The following TSFM variants were observed in gnomAD, a reference collection of about 807,000 sequenced individuals.
TSFM encodes elongation factor Ts, mitochondrial.
Under a neutral mutation model 33.4 loss-of-function variants are expected in TSFM, and 29 were observed. The observed-to-expected ratio is 0.87, with a 90% CI of 0.65 to 1.18. TSFM has a LOEUF of 1.18. TSFM is among the 50% of genes most tolerant of loss of function. The pLI is 0.00. For synonymous variants in TSFM, 178 were observed against 163.5 expected, an observed-to-expected ratio of 1.09 and a Z score of -0.68; for missense variants, 394 against 395.6, an observed-to-expected ratio of 1.00 and a Z score of 0.04.
intron 2 of TSFM, 126 bp downstream of exon 2, chr12:57,783,409 A>C: frequency 3.3e-6 from 4 of 1,221,038 alleles, no homozygotes; most frequent in Non-Finnish European, 3.6e-6. Context: ...CCTAAGTGGA[A>C]ATCTGGCTTA....
downstream of TSFM, chr12:57,800,693 C>T (rs540908483): frequency 1.2e-4 from 19 of 154,648 alleles, no homozygotes; most frequent in Non-Finnish European, 2.4e-4. Context: ...CAGCAACTTC[C>T]GCTTCCTGGG....
intron 2 of TSFM, chr12:57,783,821 G>T (rs1955549912): frequency 1.6e-6 from 1 of 623,608 alleles, no homozygotes; most frequent in African/African-American, 1.8e-5. Context: ...TCGCCGTGTC[G>T]GCCAGGCTGG....
At chr12:57,791,890 T>G (rs1955666776) in intron 4 of TSFM, 2 of 324,608 alleles carry the variant, frequency 6.2e-6, no homozygotes, top group Non-Finnish European at 1.3e-5. Context: ...TTTGTACCAT[T>G]TTGCATTCCC....
At chr12:57,789,456 T>C (rs12321371) in intron 4 of TSFM, among the ~76,000 whole-genome samples, 4,294 of 152,282 alleles carry the variant, frequency 0.028, 214 homozygotes, top group African/African-American at 0.099. Flanking sequence ...CTTCACCTCC[T>C]GGGTTCGAGC....
At chr12:57,798,917 G>A (rs1447000637), downstream of TSFM, among the ~76,000 whole-genome samples, 1 of 152,084 alleles carries the variant, frequency 6.6e-6, no homozygotes, top group Non-Finnish European at 1.5e-5. Context: ...GCCCGGCCAA[G>A]AAATTTATTC....
chr12:57,795,862 C>T (rs1214532346), intron 5 of TSFM, among the ~76,000 whole-genome samples: 1 of 151,830 alleles, frequency 6.6e-6, no homozygotes, highest in Non-Finnish European at 1.5e-5. Flanking sequence ...GTGATCTACC[C>T]GCTTCAGCCT....
downstream of TSFM, among the ~76,000 whole-genome samples, chr12:57,799,570 A>G (rs1258719008): frequency 6.6e-6 from 1 of 152,228 alleles, no homozygotes; most frequent in African/African-American, 2.4e-5. Context: ...CTAGTAGCAG[A>G]GAAATGGAAG....
At chr12:57,788,267 C>CTTTTTTTTTTTTTTT (rs56048814) in intron 4 of TSFM, among the ~76,000 whole-genome samples, 2 of 146,892 alleles carry the variant, frequency 1.4e-5, no homozygotes. Context: ...CCAGTGTACC[C>CTTTTTTTTTTTTTTT]TTTTTTTTTT....
intron 4 of TSFM, among the ~76,000 whole-genome samples, chr12:57,791,384 A>C (rs1171570419): frequency 2.6e-5 from 4 of 152,304 alleles, no homozygotes; most frequent in African/African-American, 9.6e-5. Flanking sequence ...GTCAAAAAAA[A>C]AGTATGCTCA....
downstream of TSFM, among the ~76,000 whole-genome samples, chr12:57,798,620 CT>C (rs1337769787): frequency 0.012 from 1,633 of 140,508 alleles, 22 homozygotes; most frequent in African/African-American, 0.034. Flanking sequence ...CTTTTCTTTT[CT>C]TTTTTTTTTT....
intron 3 of TSFM, 123 bp from the exon 4 acceptor site, chr12:57,786,917 C>A: frequency 9.0e-7 from 1 of 1,107,834 alleles, no homozygotes; most frequent in Non-Finnish European, 1.2e-6. Context: ...ATTTTGGAGT[C>A]ATTTTTTTTC....
intron 4 of TSFM, among the ~76,000 whole-genome samples, chr12:57,790,285 G>C (rs1955645703): frequency 6.6e-6 from 1 of 152,100 alleles, no homozygotes; most frequent in East Asian, 1.9e-4. Flanking sequence ...GGGCAGGCTG[G>C]TCTTGAACTC....
At chr12:57,782,983 C>A in intron 1 of TSFM, 125 bp downstream of exon 1, 2 of 1,467,138 alleles carry the variant, frequency 1.4e-6, no homozygotes, top group East Asian at 2.4e-5. Context: ...TGCCTCTGCC[C>A]AGTCCAGCCC....
Position 57,783,248 on chromosome 12 carries a change from A to G in TSFM, c.196A>G (p.Lys66Glu), listed in dbSNP as rs1358948776. The G allele has an allele frequency of 6.2e-7, 1 of 1,613,910 alleles. No individual in the cohort carries two copies. Among genetic ancestry groups the G allele is most frequent in the Admixed American group, 1.7e-5 (1 of 60,024 alleles). The change falls in exon 2 of 6, where the codon AAA becomes GAA. Residue 66 changes from lysine to glutamate, a missense_variant. Transcript: ENST00000652027. ...KTGYSFVNCK[K>E]ALETCGGDLK... ...AGGCTACTCCTTTGTAAATTGCAAG[A>G]AAGCTCTGGAGACTTGTGGCGGGGA...
At chr12:57,786,133 T>G (rs753407804) in intron 2 of TSFM, 30 bp from the exon 3 acceptor site, 1 of 1,577,792 alleles carries the variant, frequency 6.3e-7, no homozygotes, top group Non-Finnish European at 8.6e-7. Context: ...TGTGACTTTG[T>G]TGTCTGCTCT....
intron 1 of TSFM, 89 bp from the exon 2 acceptor site, chr12:57,783,021 G>C: frequency 1.3e-6 from 2 of 1,515,958 alleles, no homozygotes; most frequent in Non-Finnish European, 1.8e-6. Flanking sequence ...CACACTGTCC[G>C]CTCCCTAAGG....
downstream of TSFM, chr12:57,802,335 A>C: frequency 6.2e-7 from 1 of 1,612,020 alleles, no homozygotes; most frequent in Non-Finnish European, 8.5e-7. Context: ...CTCAGCCCCA[A>C]TCCACAAGAA....
chr12:57,793,372 G>A (rs1337064207), intron 5 of TSFM, among the ~76,000 whole-genome samples: 2 of 152,064 alleles, frequency 1.3e-5, no homozygotes, highest in African/African-American at 4.8e-5. Flanking sequence ...ACAGGCGCCT[G>A]CCATCACGCC....
intron 3 of TSFM, among the ~76,000 whole-genome samples, chr12:57,786,501 A>G (rs1955592887): frequency 6.6e-6 from 1 of 152,260 alleles, no homozygotes; most frequent in South Asian, 2.1e-4. Flanking sequence ...ATGGCCTGAC[A>G]GTCTAGAATA....
Sources: gnomAD v4.1 joint callset for allele counts (sites outside exome capture counted in the v4.1 genomes callset) on GRCh38, gnomAD v4.1.1 for gene constraint, MANE v1.5 for transcripts, NCBI Gene and HGNC (gene_info 2026-07-23, HGNC 2026-07-21) for gene names.